Variants in CPQ observed in about 807,000 individuals in gnomAD.
CPQ encodes Ser-Met dipeptidase.
CPQ carries 37 observed loss-of-function variants against 45.7 expected under a neutral mutation model. The ratio of observed to expected loss-of-function variants is 0.81; its 90% CI spans 0.62 to 1.07. The LOEUF (loss-of-function observed/expected upper bound fraction) is 1.07, where lower values mean the gene tolerates loss of function less well. Among genes scored for constraint, CPQ ranks in the 50% least tolerant of loss-of-function variants. The pLI, the probability that CPQ is intolerant of heterozygous loss-of-function variation, is 0.00. For synonymous variants in CPQ, 186 were observed against 205.8 expected (o/e 0.90, Z 0.82); for missense variants, 537 against 572.9 (o/e 0.94, Z 0.64).
At chr8:96,771,155 CATT>C (rs1045962822) in intron 1 of CPQ, among the ~76,000 whole-genome samples, 4 of 147,222 alleles carry the variant, frequency 2.7e-5, no homozygotes, top group Admixed American at 1.4e-4. Flanking sequence ...ATATATAAAA[CATT>C]ATATTTTAAT....
Position 96,879,907 on chromosome 8 carries a change from A to G in CPQ, c.751A>G (p.Lys251Glu). The change falls in exon 4 of 8, where the codon AAA (lysine) becomes GAA (glutamate). Residue 251 changes from lysine to glutamate, a missense_variant. Lys to Glu is a moderately conservative substitution (Grantham distance 56, BLOSUM62 1). Coordinates refer to ENST00000220763, the MANE Select transcript of CPQ (RefSeq NM_016134.4). ...MMSRMASHGI[K>E]IVIQLKMGAK... ...GTCAAGAATGGCTTCTCATGGGATC[A>G]AAATTGTCATTCAGCTAAAGATGGG... 1 of 1,614,110 alleles carries G rather than the reference A, an allele frequency of 6.2e-7. No individual in the cohort carries two copies. The highest frequency in any genetic ancestry group is 8.5e-7 in the Non-Finnish European group (1 of 1,179,978).
At chr8:96,809,631 T>G (rs944041723) in intron 2 of CPQ, among the ~76,000 whole-genome samples, 2 of 152,120 alleles carry the variant, frequency 1.3e-5, no homozygotes, top group African/African-American at 4.8e-5. Flanking sequence ...CTTTCTGAAG[T>G]AATGGAAATA....
chr8:97,090,947 T>A (rs1247910381), intron 7 of CPQ, among the ~76,000 whole-genome samples: 1 of 152,210 alleles, frequency 6.6e-6, no homozygotes, highest in African/African-American at 2.4e-5. Flanking sequence ...TAACTTCTGC[T>A]TTGTCTAAGA....
intron 1 of CPQ, among the ~76,000 whole-genome samples, chr8:96,697,359 A>T (rs1809398765): frequency 6.6e-6 from 1 of 152,208 alleles, no homozygotes; most frequent in Non-Finnish European, 1.5e-5. Context: ...CTGGATATAG[A>T]ATGAACATAG....
intron 7 of CPQ, among the ~76,000 whole-genome samples, 191 bp from the exon 8 acceptor site, chr8:97,142,829 C>T (rs760594156): frequency 6.6e-5 from 10 of 152,168 alleles, no homozygotes; most frequent in Admixed American, 4.6e-4. Context: ...CATCCACAGC[C>T]GGCTACTCAC....
chr8:96,855,615 G>T (rs531440465), intron 3 of CPQ, among the ~76,000 whole-genome samples: 1 of 152,098 alleles, frequency 6.6e-6, no homozygotes, highest in Non-Finnish European at 1.5e-5. Context: ...ATTCATTCAC[G>T]AAAATGTATC....
chr8:96,890,621 C>T (rs966202532), intron 4 of CPQ, among the ~76,000 whole-genome samples: 2 of 152,192 alleles, frequency 1.3e-5, no homozygotes, highest in African/African-American at 4.8e-5. Flanking sequence ...TCTTGATAAT[C>T]CGGATCAGTT....
At chr8:96,808,166 A>C (rs766115032) in intron 2 of CPQ, among the ~76,000 whole-genome samples, 12 of 152,186 alleles carry the variant, frequency 7.9e-5, no homozygotes, top group Non-Finnish European at 1.6e-4. Context: ...TTAGTTGGTG[A>C]TATTTAGGAA....
At chr8:96,765,596 C>G (rs1447494804) in intron 1 of CPQ, among the ~76,000 whole-genome samples, 1 of 152,126 alleles carries the variant, frequency 6.6e-6, no homozygotes, top group Non-Finnish European at 1.5e-5. Context: ...AAAGTTCTTG[C>G]ATTTAAATGT....
At chr8:96,772,127 G>C (rs951386877) in intron 1 of CPQ, among the ~76,000 whole-genome samples, 2 of 152,132 alleles carry the variant, frequency 1.3e-5, no homozygotes, top group Non-Finnish European at 2.9e-5. Flanking sequence ...TTGTAACAAA[G>C]AGAACATATT....
At chr8:96,956,278 T>C (rs550478610) in intron 4 of CPQ, among the ~76,000 whole-genome samples, 84 of 152,308 alleles carry the variant, frequency 5.5e-4, no homozygotes, top group African/African-American at 2.0e-3. Context: ...CTCCTTATCC[T>C]TGGAGTTCAC....
At chr8:96,992,093 G>A (rs1302548612) in intron 5 of CPQ, among the ~76,000 whole-genome samples, 1 of 152,190 alleles carries the variant, frequency 6.6e-6, no homozygotes, top group Non-Finnish European at 1.5e-5. Flanking sequence ...ACAGCAAGGT[G>A]ACCTTCTCTG....
At chr8:97,098,862 C>T (rs1254577054) in intron 7 of CPQ, among the ~76,000 whole-genome samples, 1 of 152,074 alleles carries the variant, frequency 6.6e-6, no homozygotes, top group African/African-American at 2.4e-5. Flanking sequence ...AAATAGAATT[C>T]TACAATAGCC....
chr8:96,910,714 C>T (rs1812648745), intron 4 of CPQ, among the ~76,000 whole-genome samples: 1 of 152,146 alleles, frequency 6.6e-6, no homozygotes, highest in Admixed American at 6.5e-5. Context: ...CCGTGTTAGC[C>T]AGGATGGTCT....
intron 7 of CPQ, among the ~76,000 whole-genome samples, chr8:97,119,410 G>T (rs1811658326): frequency 6.8e-6 from 1 of 146,392 alleles, no homozygotes; most frequent in Non-Finnish European, 1.5e-5. Context: ...TCAGGTTAAT[G>T]ATTTATTGTT....
chr8:97,004,273 T>TAAAAAAAAA (rs765381107), intron 5 of CPQ, among the ~76,000 whole-genome samples: 1 of 134,906 alleles, frequency 7.4e-6, no homozygotes, highest in Non-Finnish European at 1.6e-5. Context: ...AAATAATTTG[T>TAAAAAAAAA]AAAAAAAAAA....
chr8:97,081,158 A>C (rs745737244), intron 7 of CPQ, among the ~76,000 whole-genome samples: 2 of 152,128 alleles, frequency 1.3e-5, no homozygotes, highest in Non-Finnish European at 2.9e-5. Flanking sequence ...TGTTTGAAAA[A>C]CTTTTAAAAA....
intron 1 of CPQ, among the ~76,000 whole-genome samples, chr8:96,781,498 A>G (rs1432365777): frequency 5.3e-5 from 8 of 152,198 alleles, no homozygotes; most frequent in Non-Finnish European, 1.0e-4. Context: ...CAAATCCATC[A>G]TGATCTAAAC....
In CPQ at chr8:96,777,605, G is replaced by A. The variant is rs534692567; in HGVS notation, c.-34-7259G>A. On this transcript the variant is annotated intron_variant, in intron 1 of 7. Coordinates refer to ENST00000220763, the MANE Select transcript of CPQ (RefSeq NM_016134.4). ...AAAAGTTTCACACTGAAGTAAACAA[G>A]TGTTTTTGGTCATTTCATGCCAACA... is the stretch of plus-strand genomic sequence containing the variant. Among the ~76,000 whole-genome samples, 7 of 151,146 alleles carry A rather than the reference G, an allele frequency of 4.6e-5. No individual in the cohort carries two copies. The East Asian group carries it at 1.4e-3, about 29-fold the overall frequency.
Sources: allele counts gnomAD v4.1 joint callset (sites outside exome capture counted in the v4.1 genomes callset), GRCh38; gene constraint gnomAD v4.1.1; transcripts MANE v1.5; gene names NCBI Gene and HGNC (gene_info 2026-07-23, HGNC 2026-07-21).